The following OTUD7A variants were observed in gnomAD, a reference collection of about 807,000 sequenced individuals.
The protein encoded by OTUD7A is OTU domain-containing protein 7A.
OTUD7A carries 12 observed loss-of-function variants against 65.7 expected under a neutral mutation model. The observed-to-expected ratio is 0.18, with a 90% CI of 0.12 to 0.30. OTUD7A has a LOEUF of 0.30. Ranked by LOEUF, OTUD7A falls within the 10% of genes least tolerant of loss-of-function variation. OTUD7A has a pLI of 1.00. For missense variants in OTUD7A, 1,148 were observed against 1,304.8 expected (o/e 0.88, Z 1.85); for synonymous variants, 641 against 586.3 (o/e 1.09, Z -1.35).
At chr15:31,578,008 G>A (rs1346800988) in intron 3 of OTUD7A, among the ~76,000 whole-genome samples, 1 of 152,128 alleles carries the variant, frequency 6.6e-6, no homozygotes, top group African/African-American at 2.4e-5. Context: ...ACTAGTCTCT[G>A]ATCAGACTCA....
chr15:31,646,939 A>C (rs932502492), intron 3 of OTUD7A, among the ~76,000 whole-genome samples: 21 of 152,328 alleles, frequency 1.4e-4, no homozygotes, highest in African/African-American at 4.8e-4. Flanking sequence ...TCTGTTTAAG[A>C]GTATTTAAAT....
At chr15:31,796,049 A>T (rs1416155481) in intron 1 of OTUD7A, among the ~76,000 whole-genome samples, 1 of 152,206 alleles carries the variant, frequency 6.6e-6, no homozygotes, top group Admixed American at 6.5e-5. Flanking sequence ...CACTAGAAGC[A>T]GAGAGTCACA....
chr15:31,683,127 G>A (rs1369812477), intron 1 of OTUD7A, among the ~76,000 whole-genome samples: 1 of 152,102 alleles, frequency 6.6e-6, no homozygotes, highest in East Asian at 1.9e-4. Flanking sequence ...CAGCTTTTGG[G>A]CTTTCTTATC....
chr15:31,539,031 G>T (rs1419792187), intron 5 of OTUD7A, among the ~76,000 whole-genome samples: 2 of 152,134 alleles, frequency 1.3e-5, no homozygotes, highest in Non-Finnish European at 2.9e-5. Flanking sequence ...CTCTGCCACC[G>T]GTTCTGGGGA....
At chr15:31,808,098 A>AACACAC (rs55911531) in intron 1 of OTUD7A, among the ~76,000 whole-genome samples, 14,842 of 95,680 alleles carry the variant, frequency 0.16, 980 homozygotes, top group South Asian at 0.29. Context: ...ACAAATGCCA[A>AACACAC]ACACACACAC....
At chr15:31,800,248 C>G (rs1301899642) in intron 1 of OTUD7A, among the ~76,000 whole-genome samples, 1 of 152,150 alleles carries the variant, frequency 6.6e-6, no homozygotes, top group Non-Finnish European at 1.5e-5. Flanking sequence ...TGAGCCCAGG[C>G]TGGCCTCACC....
chr15:31,653,700 C>T (rs1891907866), intron 3 of OTUD7A, among the ~76,000 whole-genome samples: 1 of 150,788 alleles, frequency 6.6e-6, no homozygotes, highest in Admixed American at 6.6e-5. Flanking sequence ...CAAATCCATA[C>T]ATGTGTTAAA....
At chr15:31,846,750 G>A (rs527285313) in intron 1 of OTUD7A, among the ~76,000 whole-genome samples, 1 of 152,296 alleles carries the variant, frequency 6.6e-6, no homozygotes, top group African/African-American at 2.4e-5. Flanking sequence ...TGATGTCCGT[G>A]ACAAGAAAAA....
chr15:31,522,496 C>T (rs1041858943), intron 8 of OTUD7A, among the ~76,000 whole-genome samples: 1 of 152,190 alleles, frequency 6.6e-6, no homozygotes, highest in African/African-American at 2.4e-5. Flanking sequence ...TGAGCCAATA[C>T]CTACATTAGA....
At chr15:31,759,692 C>T (rs1416246519) in intron 1 of OTUD7A, among the ~76,000 whole-genome samples, 1 of 152,160 alleles carries the variant, frequency 6.6e-6, no homozygotes, top group Non-Finnish European at 1.5e-5. Flanking sequence ...ACCACCATGC[C>T]TGGCTATCTT....
In OTUD7A at chr15:31,753,243, A is replaced by T. The variant is rs573322610; in HGVS notation, c.-99-96166T>A. Reference sequence around the variant, plus strand: ...GCAAATGACTTTTTTTTTTTAAGCAAACTCCCAAAAAAAGAAATCTCCAGA... The same window carrying T: ...GCAAATGACTTTTTTTTTTTAAGCATACTCCCAAAAAAAGAAATCTCCAGA... On this transcript the variant is annotated intron_variant, in intron 1 of 12. Coordinates refer to ENST00000307050, the MANE Select transcript of OTUD7A (RefSeq NM_001382637.1). Among the ~76,000 whole-genome samples, 87 of 152,050 alleles carry T rather than the reference A, an allele frequency of 5.7e-4. No individual in the cohort carries two copies. The South Asian group carries it at 0.012, about 21-fold the overall frequency.
At chr15:31,626,916 GTTTC>G (rs1224582627) in intron 3 of OTUD7A, among the ~76,000 whole-genome samples, 1 of 146,702 alleles carries the variant, frequency 6.8e-6, no homozygotes, top group Non-Finnish European at 1.5e-5. Context: ...TGTTTTTATG[GTTTC>G]TTTTTTACAC....
intron 1 of OTUD7A, among the ~76,000 whole-genome samples, chr15:31,814,258 C>A (rs567431964): frequency 6.6e-6 from 1 of 152,332 alleles, no homozygotes; most frequent in African/African-American, 2.4e-5. Flanking sequence ...CAACAACTTA[C>A]TCCAGCTGGA....
chr15:31,767,436 T>C (rs369170954), intron 1 of OTUD7A: 75 of 774,118 alleles, frequency 9.7e-5, no homozygotes, highest in East Asian at 7.8e-4. Context: ...ATTCATATCA[T>C]TGCTTCTTGG....
At chr15:31,625,312 A>T (rs1890919037) in intron 3 of OTUD7A, among the ~76,000 whole-genome samples, 1 of 151,940 alleles carries the variant, frequency 6.6e-6, no homozygotes, top group Non-Finnish European at 1.5e-5. Flanking sequence ...GAAATATATG[A>T]TGGTTATCTT....
chr15:31,628,321 T>A (rs1372183507), intron 3 of OTUD7A, among the ~76,000 whole-genome samples: 1 of 152,192 alleles, frequency 6.6e-6, no homozygotes, highest in African/African-American at 2.4e-5. Flanking sequence ...GGCCAGCCAG[T>A]TTTCCCAGCA....
intron 3 of OTUD7A, among the ~76,000 whole-genome samples, chr15:31,621,092 A>T (rs1287027242): frequency 6.6e-6 from 1 of 151,240 alleles, no homozygotes; most frequent in Non-Finnish European, 1.5e-5. Context: ...AGAGTTTCTT[A>T]GTCCTGAGTA....
chr15:31,717,928 C>T (rs1893634862), intron 1 of OTUD7A, among the ~76,000 whole-genome samples: 1 of 152,120 alleles, frequency 6.6e-6, no homozygotes, highest in Non-Finnish European at 1.5e-5. Flanking sequence ...TTAATGATCA[C>T]CATTCTAACT....
intron 1 of OTUD7A, among the ~76,000 whole-genome samples, chr15:31,669,290 C>T (rs562638312): frequency 3.3e-5 from 5 of 152,134 alleles, no homozygotes; most frequent in East Asian, 1.9e-4. Flanking sequence ...GGTTGGGTGT[C>T]GTAGTTCAGA....
Sources: allele counts gnomAD v4.1 joint callset (sites outside exome capture counted in the v4.1 genomes callset), GRCh38; gene constraint gnomAD v4.1.1; transcripts MANE v1.5; gene names NCBI Gene and HGNC (gene_info 2026-07-23, HGNC 2026-07-21).